PKHD1: variants seen among roughly 807,000 people sequenced by gnomAD.
PKHD1 encodes PKHD1 ciliary IPT domain containing fibrocystin/polyductin.
In PKHD1, 291 loss-of-function variants were observed where a neutral mutation model predicts 412.0. The ratio of observed to expected loss-of-function variants is 0.71; its 90% CI spans 0.64 to 0.78. PKHD1 has a LOEUF of 0.78. Among genes scored for constraint, PKHD1 ranks in the 30% least tolerant of loss-of-function variants. PKHD1 has a pLI of 0.00. For missense variants in PKHD1, 4,825 were observed against 4,950.7 expected (o/e 0.97, Z 0.76); for synonymous variants, 1,777 against 1,821.5 (o/e 0.98, Z 0.62).
At chr6:51,944,420 C>A (rs1005243261) in intron 36 of PKHD1, among the ~76,000 whole-genome samples, 1 of 152,272 alleles carries the variant, frequency 6.6e-6, no homozygotes, top group Middle Eastern at 3.4e-3. Context: ...CGCATGGATG[C>A]GAGTGAAAAA....
At chr6:51,888,885 G>C (rs994117830) in intron 43 of PKHD1, among the ~76,000 whole-genome samples, 1 of 150,766 alleles carries the variant, frequency 6.6e-6, no homozygotes, top group Non-Finnish European at 1.5e-5. Flanking sequence ...CTATCAGGCT[G>C]CTGCACTGCA....
In PKHD1 at chr6:52,054,074, G is replaced by A; in HGVS notation, c.1928C>T (p.Thr643Ile). Residue 643 changes from threonine to isoleucine, a missense_variant, in exon 20 of 67, where the codon ACC becomes ATC. Transcript: ENST00000371117. ...IGFQNMVKNTTCDWSLTRTSP... is the reference protein window; with the variant it reads ...IGFQNMVKNTICDWSLTRTSP... ...GGTCCTCGTGAGACTCCAGTCACAG[G>A]TGGTATTCTTTACCATGTTTTGAAA... 6.2e-7 allele frequency: 1 copy of A among 1,613,846 alleles called. No individual in the cohort carries two copies. The highest frequency in any genetic ancestry group is 8.5e-7 in the Non-Finnish European group (1 of 1,179,778).
rs1581757830 is a variant in PKHD1 at position 52,016,463 on chromosome 6, C to A, written c.5600+947G>T. Among the ~76,000 whole-genome samples the A allele has an allele frequency of 3.9e-5, 6 of 152,106 alleles. 1 individual carries two copies. The South Asian group carries it at 1.2e-3, about 32-fold the overall frequency. ...CCAGCTTGGCCAACATGATGAAACC[C>A]TGTCTTTACTAAAAATACAAAAATT... On this transcript the variant is annotated intron_variant, in intron 34 of 66. Coordinates refer to ENST00000371117, the MANE Select transcript of PKHD1 (RefSeq NM_138694.4).
At chr6:51,644,976 C>A (rs891041108) in intron 63 of PKHD1, among the ~76,000 whole-genome samples, 2 of 152,114 alleles carry the variant, frequency 1.3e-5, no homozygotes, top group African/African-American at 4.8e-5. Context: ...CTGAGCCCGG[C>A]CAATAAACCG....
At chr6:51,749,490 AATAAC>A (rs1229047093) in intron 57 of PKHD1, among the ~76,000 whole-genome samples, 1 of 152,168 alleles carries the variant, frequency 6.6e-6, no homozygotes, top group African/African-American at 2.4e-5. Context: ...TAAAATTAAT[AATAAC>A]ATGATTATAG....
At chr6:51,864,707 T>A (rs578154937) in intron 48 of PKHD1, among the ~76,000 whole-genome samples, 2 of 152,312 alleles carry the variant, frequency 1.3e-5, no homozygotes, top group South Asian at 4.1e-4. Flanking sequence ...GTTAAATTAA[T>A]TTTAGTAATA....
At chr6:52,081,447 T>C (rs1049870052) in intron 4 of PKHD1, among the ~76,000 whole-genome samples, 1 of 152,198 alleles carries the variant, frequency 6.6e-6, no homozygotes, top group Admixed American at 6.5e-5. Flanking sequence ...TCAAAGCACT[T>C]AATTCTGTGA....
intron 10 of PKHD1, among the ~76,000 whole-genome samples, chr6:52,070,058 G>T (rs963526916): frequency 5.3e-5 from 8 of 152,108 alleles, no homozygotes; most frequent in Non-Finnish European, 1.2e-4. Flanking sequence ...CCATTTTCAA[G>T]AAGGCACTTC....
chr6:52,021,597 A>G (rs75041964), intron 33 of PKHD1, among the ~76,000 whole-genome samples: 1 of 152,194 alleles, frequency 6.6e-6, no homozygotes, highest in Non-Finnish European at 1.5e-5. Flanking sequence ...AGTGAATCAG[A>G]CAATGTTTTG....
At chr6:52,033,573 T>C (rs1214992098) in intron 28 of PKHD1, among the ~76,000 whole-genome samples, 1 of 151,710 alleles carries the variant, frequency 6.6e-6, no homozygotes, top group Admixed American at 6.6e-5. Flanking sequence ...AAAATTTCTC[T>C]ATGACACACT....
intron 52 of PKHD1, 72 bp from the exon 53 acceptor site, chr6:51,791,445 C>A: frequency 6.9e-7 from 1 of 1,441,546 alleles, no homozygotes; most frequent in Non-Finnish European, 9.7e-7. Flanking sequence ...GGGGTTCTCC[C>A]AGCAGTTTGG....
intron 27 of PKHD1, among the ~76,000 whole-genome samples, chr6:52,036,488 C>A (rs143978661): frequency 2.5e-4 from 38 of 152,338 alleles, no homozygotes; most frequent in African/African-American, 9.1e-4. Flanking sequence ...GGTCTGCCAT[C>A]TCCCAGATAC....
At chr6:52,043,794 G>A in intron 25 of PKHD1, 64 bp from the exon 26 acceptor site, 1 of 1,157,946 alleles carries the variant, frequency 8.6e-7, no homozygotes, top group Non-Finnish European at 1.3e-6. Context: ...TATTCATAAA[G>A]TATATGTGAA....
rs76273390 is a variant in PKHD1, at chr6:51,952,511, A to G, written c.5908+7359T>C. Among the ~76,000 whole-genome samples, 1,255 of 152,290 alleles carry G rather than the reference A, an allele frequency of 8.2e-3. 16 individuals carry two copies. The highest frequency in any genetic ancestry group is 0.028 in the African/African-American group (1,144 of 41,558). On this transcript the variant is annotated intron_variant, in intron 36 of 66. Coordinates refer to ENST00000371117, the MANE Select transcript of PKHD1 (RefSeq NM_138694.4). The stretch of plus-strand genomic sequence containing the variant: ...CTGGCCCCTCCTTTCTTCAGCTTAC[A>G]GCCTAGACCTTTATAAGCCTCCAAA...
At chr6:51,889,161 G>A (rs1778707335) in intron 43 of PKHD1, among the ~76,000 whole-genome samples, 1 of 152,022 alleles carries the variant, frequency 6.6e-6, no homozygotes, top group Admixed American at 6.6e-5. Context: ...GCGAGACAAG[G>A]AATGTCTGGA....
At chr6:51,702,091 CA>C (rs1779470343) in intron 60 of PKHD1, among the ~76,000 whole-genome samples, 1 of 144,068 alleles carries the variant, frequency 6.9e-6, no homozygotes. Flanking sequence ...TTCACAATTG[CA>C]AAAATATGGA....
chr6:51,798,090 G>T (rs1364329094), intron 52 of PKHD1, among the ~76,000 whole-genome samples: 1 of 152,140 alleles, frequency 6.6e-6, no homozygotes, highest in African/African-American at 2.4e-5. Context: ...AGAAATTCTA[G>T]GTTGGGGGCC....
At chr6:51,790,042 T>TC in intron 53 of PKHD1, among the ~76,000 whole-genome samples, 1 of 152,308 alleles carries the variant, frequency 6.6e-6, no homozygotes, top group South Asian at 2.1e-4. Flanking sequence ...TTTTCAGAAA[T>TC]ATTTTTACAG....
At chr6:52,086,347 G>C (rs1421167644) in intron 1 of PKHD1, among the ~76,000 whole-genome samples, 1 of 151,998 alleles carries the variant, frequency 6.6e-6, no homozygotes, top group Non-Finnish European at 1.5e-5. Context: ...CTGGCCTCAA[G>C]TGATCTCCCT....
Sources: allele counts gnomAD v4.1 joint callset (sites outside exome capture counted in the v4.1 genomes callset), GRCh38; gene constraint gnomAD v4.1.1; transcripts MANE v1.5; gene names NCBI Gene and HGNC (gene_info 2026-07-23, HGNC 2026-07-21).